The following PSD3 variants were observed in gnomAD, a reference collection of about 807,000 sequenced individuals.
The protein encoded by PSD3 is PH and SEC7 domain-containing protein 3.
A neutral mutation model predicts 105.5 loss-of-function variants in PSD3; 49 were observed. The observed-to-expected ratio is 0.46, with a 90% CI of 0.37 to 0.59. PSD3 has a LOEUF of 0.59. PSD3 is among the 20% of genes least tolerant of loss of function. The pLI, the probability that PSD3 is intolerant of heterozygous loss-of-function variation, is 0.00. For synonymous variants in PSD3, 557 were observed against 457.8 expected, an observed-to-expected ratio of 1.22 and a Z score of -2.77; for missense variants, 1,561 against 1,263.8, an observed-to-expected ratio of 1.24 and a Z score of -3.57.
intron 9 of PSD3, among the ~76,000 whole-genome samples, chr8:18,660,814 T>C (rs1472541394): frequency 6.6e-6 from 1 of 152,232 alleles, no homozygotes; most frequent in Non-Finnish European, 1.5e-5. Flanking sequence ...CAGAGCCAGA[T>C]CACAATCACA....
chr8:18,726,779 C>T (rs574330195), intron 9 of PSD3, among the ~76,000 whole-genome samples: 15 of 152,352 alleles, frequency 9.8e-5, no homozygotes, highest in Admixed American at 2.6e-4. Flanking sequence ...ACCAAAACTA[C>T]TATCTTAATG....
chr8:18,692,341 G>T (rs1395088016), intron 9 of PSD3, among the ~76,000 whole-genome samples: 2 of 152,172 alleles, frequency 1.3e-5, no homozygotes, highest in Admixed American at 1.3e-4. Context: ...CAATGGAAGA[G>T]AATCACAAGG....
At position 18,871,615 on chromosome 8, in the gene PSD3, T is replaced by C. The variant is rs1586284818; in HGVS notation, c.1238+11A>G. 42 of 1,586,444 alleles carry C rather than the reference T, an allele frequency of 2.6e-5. No individual in the cohort carries two copies. The highest frequency in any genetic ancestry group is 3.4e-5 in the Non-Finnish European group (40 of 1,167,452). On this transcript the variant is annotated intron_variant, in intron 3 of 15. Coordinates refer to ENST00000327040, the MANE Select transcript of PSD3 (RefSeq NM_015310.4). ...GGCATCTGAGACAGCAGGGCTACTATGGGAGCTCACCTTTCCCTGTCTCTC... is the reference window on the plus strand; with the variant it reads ...GGCATCTGAGACAGCAGGGCTACTACGGGAGCTCACCTTTCCCTGTCTCTC...
intron 14 of PSD3, chr8:18,557,430 G>T (rs191925175): frequency 1.3e-3 from 195 of 153,540 alleles, no homozygotes; most frequent in African/African-American, 4.6e-3. Context: ...AGAAGAAAAC[G>T]TGTCCAGAAA....
intron 4 of PSD3, among the ~76,000 whole-genome samples, chr8:18,843,553 G>T (rs775744604): frequency 2.6e-5 from 4 of 152,098 alleles, no homozygotes; most frequent in Admixed American, 1.3e-4. Flanking sequence ...TTTATAATGC[G>T]TTCTCCTCTT....
intron 9 of PSD3, among the ~76,000 whole-genome samples, chr8:18,764,274 A>G (rs1170503108): frequency 6.6e-6 from 1 of 152,166 alleles, no homozygotes; most frequent in African/African-American, 2.4e-5. Flanking sequence ...TCTTGTTAAC[A>G]CCATACGGAT....
chr8:18,895,040 C>T (rs1470833180), intron 2 of PSD3, among the ~76,000 whole-genome samples: 1 of 152,124 alleles, frequency 6.6e-6, no homozygotes, highest in Non-Finnish European at 1.5e-5. Flanking sequence ...AGAAGGCCAC[C>T]CCACCCTTTG....
At chr8:18,739,601 A>G (rs1213137559) in intron 9 of PSD3, among the ~76,000 whole-genome samples, 1 of 152,228 alleles carries the variant, frequency 6.6e-6, no homozygotes, top group East Asian at 1.9e-4. Flanking sequence ...CAGTACCACT[A>G]TTAGCTAGCA....
chr8:19,057,858 G>A (rs1828762917), intron 1 of PSD3, among the ~76,000 whole-genome samples: 1 of 152,120 alleles, frequency 6.6e-6, no homozygotes, highest in Non-Finnish European at 1.5e-5. Flanking sequence ...AAATGACAGG[G>A]CCACTCTAGA....
chr8:19,054,041 A>T (rs1828622067), intron 1 of PSD3, among the ~76,000 whole-genome samples: 1 of 152,146 alleles, frequency 6.6e-6, no homozygotes, highest in Non-Finnish European at 1.5e-5. Flanking sequence ...CTCTGACTGT[A>T]AGTTGTACTG....
intron 1 of PSD3, among the ~76,000 whole-genome samples, chr8:19,006,465 G>T: frequency 6.6e-6 from 1 of 151,726 alleles, no homozygotes; most frequent in African/African-American, 2.4e-5. Flanking sequence ...TGATACTGTG[G>T]TTCCACCACA....
At chr8:18,761,081 G>A (rs1427543279) in intron 9 of PSD3, among the ~76,000 whole-genome samples, 1 of 152,148 alleles carries the variant, frequency 6.6e-6, no homozygotes, top group East Asian at 1.9e-4. Flanking sequence ...TTCCCCTCTT[G>A]TAGCATCAAA....
rs779365963 is a variant in PSD3, at chr8:18,531,154, A to C, written c.*4589T>G. 5 of 152,686 alleles carry C rather than the reference A, an allele frequency of 3.3e-5. No homozygotes were observed. The highest frequency in any genetic ancestry group is 6.5e-5 in the Admixed American group (1 of 15,290). The allele number at this position is 152,686 out of a possible 1,614,324, so 9.5% of individuals were successfully genotyped here. On this transcript the variant is annotated 3_prime_UTR_variant, in exon 16 of 16. Transcript: ENST00000327040. ...AGTCTCCAAAAGCCTGCAATACTAC[A>C]GATACACACACAAATTACAAAGGAT... is the stretch of plus-strand genomic sequence containing the variant.
At chr8:18,614,081 T>A (rs138850589) in intron 11 of PSD3, among the ~76,000 whole-genome samples, 1 of 152,220 alleles carries the variant, frequency 6.6e-6, no homozygotes, top group Non-Finnish European at 1.5e-5. Context: ...TCTTACTGCA[T>A]TGCGGTCTGG....
At chr8:18,750,471 C>T (rs1022118939) in intron 9 of PSD3, among the ~76,000 whole-genome samples, 1 of 152,058 alleles carries the variant, frequency 6.6e-6, no homozygotes, top group Non-Finnish European at 1.5e-5. Flanking sequence ...TGCAGATCTT[C>T]GCGGTGAGTG....
intron 4 of PSD3, among the ~76,000 whole-genome samples, chr8:18,822,938 C>T (rs1331503739): frequency 6.6e-6 from 1 of 152,152 alleles, no homozygotes; most frequent in Non-Finnish European, 1.5e-5. Flanking sequence ...CACTCCCATC[C>T]AGCACATGTG....
At chr8:18,632,946 C>T (rs953906863) in intron 10 of PSD3, 140 bp from the exon 11 acceptor site, 64 of 663,860 alleles carry the variant, frequency 9.6e-5, no homozygotes, top group Non-Finnish European at 2.2e-5. Context: ...TGACAGACAC[C>T]ATTTGTTAAA....
In PSD3 at chr8:18,801,347, G is replaced by C; in HGVS notation, c.1946C>G (p.Thr649Ser). The C allele has an allele frequency of 6.2e-7, 1 of 1,608,120 alleles. No individual in the cohort carries two copies. Among genetic ancestry groups the C allele is most frequent in the South Asian group, 1.1e-5 (1 of 90,606 alleles). The change falls in exon 7 of 16, where the codon ACT becomes AGT. Residue 649 changes from threonine to serine, a missense_variant. Thr to Ser is a moderately conservative substitution (Grantham distance 58). Transcript: ENST00000327040. ...FFKAFSLVGE[T>S]QERERVLIHF... The stretch of plus-strand genomic sequence containing the variant: ...TATTAAAACTCTCTCTCGTTCTTGA[G>C]TTTCTCCCACAAGAGAGAATGCTTT...
Position 18,947,793 on chromosome 8 carries a change from G to C in PSD3, c.22-11651C>G, listed in dbSNP as rs571407287. Among the ~76,000 whole-genome samples, 63 of 152,252 alleles carry C rather than the reference G, an allele frequency of 4.1e-4. No individual in the cohort carries two copies. In the South Asian group the frequency reaches 0.012, roughly 30 times the overall value. ...GCAAGGTTCTGAATTCATAATACCC[G>C]AGGGCTTCTTACCAATGGTGGTAGC... On this transcript the variant is annotated intron_variant, in intron 1 of 15. Transcript: ENST00000327040.
Sources: gnomAD v4.1 joint callset for allele counts (sites outside exome capture counted in the v4.1 genomes callset) on GRCh38, gnomAD v4.1.1 for gene constraint, MANE v1.5 for transcripts, NCBI Gene and HGNC (gene_info 2026-07-23, HGNC 2026-07-21) for gene names.